The following ZNF704 variants were observed in gnomAD, a reference collection of about 807,000 sequenced individuals.
The protein encoded by ZNF704 is glucocorticoid induced gene 1.
ZNF704 carries 10 observed loss-of-function variants against 44.7 expected under a neutral mutation model. The observed-to-expected ratio is 0.22, with a 90% CI of 0.14 to 0.38. The LOEUF (loss-of-function observed/expected upper bound fraction) is 0.38, where lower values mean the gene tolerates loss of function less well. Ranked by LOEUF, ZNF704 falls within the 10% of genes least tolerant of loss-of-function variation. The pLI is 1.00. For synonymous variants in ZNF704, 211 were observed against 207.6 expected (o/e 1.02, Z -0.14); for missense variants, 390 against 545.5 (o/e 0.71, Z 2.84).
At chr8:80,737,255 T>A (rs1460088768) in intron 2 of ZNF704, among the ~76,000 whole-genome samples, 2 of 152,236 alleles carry the variant, frequency 1.3e-5, no homozygotes, top group Non-Finnish European at 1.5e-5. Context: ...GGCTGAGTGC[T>A]CTGGTTCAAG....
chr8:80,777,519 A>G (rs1807435302), intron 2 of ZNF704, among the ~76,000 whole-genome samples: 1 of 152,076 alleles, frequency 6.6e-6, no homozygotes, highest in Non-Finnish European at 1.5e-5. Flanking sequence ...GTCACATTTT[A>G]TTTTCTCTGT....
chr8:80,873,334 G>A (rs1434885948), intron 1 of ZNF704, among the ~76,000 whole-genome samples: 1 of 152,098 alleles, frequency 6.6e-6, no homozygotes, highest in Non-Finnish European at 1.5e-5. Flanking sequence ...CCGCCGCCTG[G>A]GAGAGACGCA....
At position 80,754,356 on chromosome 8, in the gene ZNF704, A is replaced by G. The variant is rs578138846; in HGVS notation, c.222-61249T>C. Reference sequence around the variant, plus strand: ...CTCTAACTAGTCCAACAAATATAGAAAAGGAAAGAACAAAAATATCTGCAG... The same window carrying G: ...CTCTAACTAGTCCAACAAATATAGAGAAGGAAAGAACAAAAATATCTGCAG... On this transcript the variant is annotated intron_variant, in intron 2 of 8. Coordinates refer to ENST00000327835, the MANE Select transcript of ZNF704 (RefSeq NM_001033723.3). 3.3e-5 allele frequency among the ~76,000 whole-genome samples: 5 copies of G among 152,314 alleles called. No homozygotes were observed. The South Asian group carries it at 1.0e-3, about 32-fold the overall frequency.
chr8:80,759,187 G>C (rs915296254), intron 2 of ZNF704, among the ~76,000 whole-genome samples: 1 of 152,136 alleles, frequency 6.6e-6, no homozygotes, highest in Non-Finnish European at 1.5e-5. Context: ...TAGGGACTGT[G>C]GGCACCTGAG....
intron 4 of ZNF704, among the ~76,000 whole-genome samples, chr8:80,679,864 C>T (rs1363163908): frequency 6.6e-6 from 1 of 152,212 alleles, no homozygotes. Context: ...AGCTTCCAGA[C>T]AAACTCTTTA....
chr8:80,728,952 G>C (rs1490359329), intron 2 of ZNF704, among the ~76,000 whole-genome samples: 2 of 152,004 alleles, frequency 1.3e-5, no homozygotes, highest in Admixed American at 1.3e-4. Flanking sequence ...ATTAAGAGTT[G>C]ATTCATTCTT....
At chr8:80,865,503 T>C (rs569064302) in intron 1 of ZNF704, among the ~76,000 whole-genome samples, 32 of 152,296 alleles carry the variant, frequency 2.1e-4, no homozygotes, top group Admixed American at 2.0e-3. Context: ...GAGGGTCACA[T>C]TTATGAACTA....
intron 3 of ZNF704, among the ~76,000 whole-genome samples, chr8:80,691,538 C>A (rs1019645273): frequency 1.3e-5 from 2 of 152,214 alleles, no homozygotes; most frequent in Non-Finnish European, 2.9e-5. Flanking sequence ...TTCCTCGGCT[C>A]TTTTCCCACT....
chr8:80,802,229 G>A (rs867891403), intron 2 of ZNF704, among the ~76,000 whole-genome samples: 1 of 149,970 alleles, frequency 6.7e-6, no homozygotes, highest in Non-Finnish European at 1.5e-5. Context: ...GGACCAGACG[G>A]TTTCACAGAT....
At chr8:80,776,268 CT>C (rs1030302232) in intron 2 of ZNF704, among the ~76,000 whole-genome samples, 1 of 152,152 alleles carries the variant, frequency 6.6e-6, no homozygotes, top group African/African-American at 2.4e-5. Context: ...ATTTTTATGA[CT>C]TCTCATAAGA....
At chr8:80,680,810 T>A (rs1446886059) in intron 4 of ZNF704, among the ~76,000 whole-genome samples, 1 of 152,150 alleles carries the variant, frequency 6.6e-6, no homozygotes, top group Non-Finnish European at 1.5e-5. Flanking sequence ...AGATTTTGGA[T>A]CTTCAAGGTG....
intron 1 of ZNF704, among the ~76,000 whole-genome samples, chr8:80,825,184 C>A (rs532134470): frequency 3.3e-5 from 5 of 152,046 alleles, no homozygotes; most frequent in Non-Finnish European, 7.3e-5. Context: ...AGACCCATCT[C>A]ACGTGCAGAG....
At chr8:80,800,394 G>GA (rs1807879297) in intron 2 of ZNF704, among the ~76,000 whole-genome samples, 1 of 152,008 alleles carries the variant, frequency 6.6e-6, no homozygotes, top group South Asian at 2.1e-4. Flanking sequence ...CGAAATCAAA[G>GA]AAAAAATGTT....
intron 5 of ZNF704, among the ~76,000 whole-genome samples, 158 bp from the exon 6 acceptor site, chr8:80,665,240 C>T (rs903657164): frequency 5.3e-5 from 8 of 152,218 alleles, no homozygotes; most frequent in South Asian, 4.1e-4. Flanking sequence ...CAACTGTCCA[C>T]TTCCAGGGAA....
At chr8:80,801,540 T>C (rs113360203) in intron 2 of ZNF704, among the ~76,000 whole-genome samples, 14,957 of 152,082 alleles carry the variant, frequency 0.098, 982 homozygotes, top group African/African-American at 0.19. Context: ...TACATGGAAA[T>C]TGAACAACCT....
the ZNF704 span, among the ~76,000 whole-genome samples, chr8:80,881,380 G>A: frequency 6.6e-6 from 1 of 152,248 alleles, no homozygotes; most frequent in South Asian, 2.1e-4. Flanking sequence ...AAGGAGGAAA[G>A]GACTCATGTA....
At chr8:80,738,063 G>C (rs547139208) in intron 2 of ZNF704, among the ~76,000 whole-genome samples, 1 of 152,190 alleles carries the variant, frequency 6.6e-6, no homozygotes, top group Non-Finnish European at 1.5e-5. Context: ...CCTCAATTTG[G>C]GTTTGTCTGA....
chr8:80,825,615 G>A (rs1808357896), intron 1 of ZNF704, among the ~76,000 whole-genome samples: 1 of 152,134 alleles, frequency 6.6e-6, no homozygotes, highest in Non-Finnish European at 1.5e-5. Context: ...CAAATCAACA[G>A]AATATACACT....
At chr8:80,758,342 G>A (rs1245122714) in intron 2 of ZNF704, among the ~76,000 whole-genome samples, 1 of 152,164 alleles carries the variant, frequency 6.6e-6, no homozygotes, top group South Asian at 2.1e-4. Context: ...CTGATGAAGT[G>A]TGGGAAGCAC....
Sources: allele counts gnomAD v4.1 joint callset (sites outside exome capture counted in the v4.1 genomes callset), GRCh38; gene constraint gnomAD v4.1.1; transcripts MANE v1.5; gene names NCBI Gene and HGNC (gene_info 2026-07-23, HGNC 2026-07-21).